Variants in NSUN3 observed in about 807,000 individuals in gnomAD.
NSUN3 encodes tRNA (cytosine(34)-C(5))-methyltransferase, mitochondrial.
A neutral mutation model predicts 36.8 loss-of-function variants in NSUN3; 24 were observed. That is an observed-to-expected ratio of 0.65 (90% CI 0.47 to 0.92). The LOEUF (loss-of-function observed/expected upper bound fraction) is 0.92, where lower values mean the gene tolerates loss of function less well. Ranked by LOEUF, NSUN3 falls within the 40% of genes least tolerant of loss-of-function variation. The pLI, the probability that NSUN3 is intolerant of heterozygous loss-of-function variation, is 0.00. For synonymous variants in NSUN3, 146 were observed against 145.2 expected (o/e 1.01, Z -0.04); for missense variants, 381 against 392.8 (o/e 0.97, Z 0.25).
intron 5 of NSUN3, 132 bp from the exon 6 acceptor site, chr3:94,126,079 G>T: frequency 1.2e-5 from 8 of 682,966 alleles, no homozygotes; most frequent in Non-Finnish European, 1.6e-5. Context: ...AAAAAGACTA[G>T]AAAACATCCA....
At chr3:94,118,493 C>T (rs1334616071) in intron 5 of NSUN3, among the ~76,000 whole-genome samples, 1 of 152,026 alleles carries the variant, frequency 6.6e-6, no homozygotes, top group African/African-American at 2.4e-5. Context: ...CTTAATACAG[C>T]TTGGTTAGTG....
chr3:94,105,501 T>C (rs1360941216), intron 5 of NSUN3, among the ~76,000 whole-genome samples: 1 of 152,198 alleles, frequency 6.6e-6, no homozygotes, highest in East Asian at 1.9e-4. Flanking sequence ...AAATGACTTC[T>C]TTAGGAAAAG....
At chr3:94,115,011 A>T (rs564150290) in intron 5 of NSUN3, among the ~76,000 whole-genome samples, 55 of 152,236 alleles carry the variant, frequency 3.6e-4, no homozygotes, top group Middle Eastern at 6.8e-3. Flanking sequence ...TCATGGAGGA[A>T]TATGTACATG....
In NSUN3 at chr3:94,126,529, A is replaced by G; in HGVS notation, c.*39A>G. 2 of 1,548,978 alleles carry G rather than the reference A, an allele frequency of 1.3e-6. No homozygotes were observed. The highest frequency in any genetic ancestry group is 2.3e-5 in the East Asian group (1 of 44,044). ...ACTGTGTTTATGTGTTATTATATTT[A>G]TATTTCTGAACTCAGTACATGTTAA... is the stretch of plus-strand genomic sequence containing the variant. On this transcript the variant is annotated 3_prime_UTR_variant, in exon 6 of 6. Coordinates refer to ENST00000314622, the MANE Select transcript of NSUN3 (RefSeq NM_022072.5).
chr3:94,112,130 A>G (rs1368389442), intron 5 of NSUN3, among the ~76,000 whole-genome samples: 1 of 152,158 alleles, frequency 6.6e-6, no homozygotes, highest in East Asian at 1.9e-4. Context: ...CAGTTCTTCA[A>G]CTGACTGAAG....
At chr3:94,121,681 G>A (rs770549197) in intron 5 of NSUN3, among the ~76,000 whole-genome samples, 2 of 152,086 alleles carry the variant, frequency 1.3e-5, no homozygotes, top group Non-Finnish European at 2.9e-5. Context: ...AACAAACACC[G>A]AAGTATGAGA....
rs78129685 is a variant in NSUN3 at position 94,121,028 on chromosome 3, C to T, written c.744-5183C>T. Among the ~76,000 whole-genome samples the T allele has an allele frequency of 5.1e-3, 782 of 152,236 alleles. 7 individuals are homozygous for T. The highest frequency in any genetic ancestry group is 0.017 in the African/African-American group (706 of 41,528). On this transcript the variant is annotated intron_variant, in intron 5 of 5. Transcript: ENST00000314622. ...AAACAAAAAAAGAGAAAACAAAAAA[C>T]GCCATCATTAGATGTGTATTAGTTG...
intron 2 of NSUN3, chr3:94,076,874 C>G: frequency 1.3e-6 from 2 of 1,522,992 alleles, no homozygotes; most frequent in Non-Finnish European, 1.8e-6. Context: ...TCCTTTCTCA[C>G]TGTCGTAGTG....
chr3:94,121,893 C>T (rs1324889909), intron 5 of NSUN3, among the ~76,000 whole-genome samples: 1 of 152,054 alleles, frequency 6.6e-6, no homozygotes, highest in Non-Finnish European at 1.5e-5. Context: ...GCCTGTAGTC[C>T]CAGCACTTTG....
intron 3 of NSUN3, among the ~76,000 whole-genome samples, chr3:94,092,290 C>T (rs921251008): frequency 1.3e-5 from 2 of 152,182 alleles, no homozygotes; most frequent in African/African-American, 4.8e-5. Context: ...GAGAGACTGA[C>T]CAAAGCTCTA....
At chr3:94,079,831 A>G (rs2077260696) in intron 2 of NSUN3, among the ~76,000 whole-genome samples, 1 of 151,900 alleles carries the variant, frequency 6.6e-6, no homozygotes, top group Non-Finnish European at 1.5e-5. Context: ...ATTTGTCTAA[A>G]CTTTTTTCAA....
chr3:94,067,952 G>A (rs577754828), intron 2 of NSUN3, among the ~76,000 whole-genome samples: 1 of 151,936 alleles, frequency 6.6e-6, no homozygotes, highest in South Asian at 2.1e-4. Context: ...TATTATGTTT[G>A]GACTAAAAAT....
At chr3:94,078,529 C>T (rs897346397) in intron 2 of NSUN3, among the ~76,000 whole-genome samples, 1 of 152,154 alleles carries the variant, frequency 6.6e-6, no homozygotes, top group Non-Finnish European at 1.5e-5. Flanking sequence ...CTAATATTGA[C>T]AGCGGGGTGT....
chr3:94,084,547 T>C, intron 3 of NSUN3, 97 bp downstream of exon 3: 1 of 929,988 alleles, frequency 1.1e-6, no homozygotes, highest in South Asian at 2.1e-5. Flanking sequence ...AAGACTGAGT[T>C]TGCAAACTCA....
chr3:94,094,381 T>A, intron 4 of NSUN3, 87 bp downstream of exon 4: 1 of 1,336,344 alleles, frequency 7.5e-7, no homozygotes, highest in Non-Finnish European at 1.0e-6. Context: ...CCATCTGTTC[T>A]CAGACATAGC....
chr3:94,063,282 T>G (rs2077189164), intron 1 of NSUN3, 144 bp downstream of exon 1: 1 of 858,352 alleles, frequency 1.2e-6, no homozygotes. Flanking sequence ...GGCTTTACTG[T>G]CAAGCCCTGA....
At chr3:94,076,285 A>C in intron 2 of NSUN3, 1 of 888,324 alleles carries the variant, frequency 1.1e-6, no homozygotes, top group Non-Finnish European at 1.9e-6. Flanking sequence ...AGATCCCACA[A>C]GGCAACAGTC....
At chr3:94,101,968 G>A (rs1459142641) in intron 5 of NSUN3, among the ~76,000 whole-genome samples, 1 of 151,984 alleles carries the variant, frequency 6.6e-6, no homozygotes, top group Non-Finnish European at 1.5e-5. Flanking sequence ...GTAACTTATT[G>A]CAGTAATGTA....
Position 94,097,576 on chromosome 3 carries a change from T to A in NSUN3, c.743+2422T>A, listed in dbSNP as rs2077347983. 1.3e-5 allele frequency among the ~76,000 whole-genome samples: 2 copies of A among 152,232 alleles called. 1 individual carries two copies. Among genetic ancestry groups the A allele is most frequent in the South Asian group, 4.1e-4 (2 of 4,834 alleles). On this transcript the variant is annotated intron_variant, in intron 5 of 5. Transcript: ENST00000314622. The stretch of plus-strand genomic sequence containing the variant: ...TCCGACAGGTCTGCTAGCATTTTTC[T>A]TGATTAAATAAATATTGAGAAGTAG...
Sources: gnomAD v4.1 joint callset for allele counts (sites outside exome capture counted in the v4.1 genomes callset) on GRCh38, gnomAD v4.1.1 for gene constraint, MANE v1.5 for transcripts, NCBI Gene and HGNC (gene_info 2026-07-23, HGNC 2026-07-21) for gene names.